The following ARHGAP23 variants were observed in gnomAD, a reference collection of about 807,000 sequenced individuals.
The protein encoded by ARHGAP23 is Rho GTPase activating protein 23.
ARHGAP23 carries 34 observed loss-of-function variants against 136.3 expected under a neutral mutation model. That is an observed-to-expected ratio of 0.25 (90% CI 0.19 to 0.33). The LOEUF (loss-of-function observed/expected upper bound fraction) is 0.33. ARHGAP23 is among the 10% of genes least tolerant of loss of function. The probability of loss-of-function intolerance (pLI) is 1.00; values close to 1 mark genes in which losing one functional copy is unlikely to be tolerated. For missense variants in ARHGAP23, 1,808 were observed against 2,139.0 expected (o/e 0.85, Z 3.05); for synonymous variants, 832 against 920.5 (o/e 0.90, Z 1.74).
intron 1 of ARHGAP23, among the ~76,000 whole-genome samples, chr17:38,433,348 T>G (rs2038725443): frequency 6.6e-6 from 1 of 152,156 alleles, no homozygotes; most frequent in African/African-American, 2.4e-5. Flanking sequence ...TTTAGTAATC[T>G]CAATTATTGG....
At chr17:38,478,728 T>G (rs2144703907) in intron 12 of ARHGAP23, among the ~76,000 whole-genome samples, 1 of 152,264 alleles carries the variant, frequency 6.6e-6, no homozygotes, top group Non-Finnish European at 1.5e-5. Context: ...TTTTTAATGG[T>G]GCCCATTGTG....
chr17:38,491,285 G>T (rs1333758970), intron 19 of ARHGAP23, 122 bp from the exon 20 acceptor site: 1 of 1,322,216 alleles, frequency 7.6e-7, no homozygotes, highest in African/African-American at 1.5e-5. Flanking sequence ...CATACAAGGG[G>T]GTGTCCACCC....
intron 1 of ARHGAP23, among the ~76,000 whole-genome samples, chr17:38,444,164 G>A (rs1312902233): frequency 1.3e-5 from 2 of 152,040 alleles, no homozygotes; most frequent in Non-Finnish European, 2.9e-5. Context: ...GATGGGGAGG[G>A]GAAGATCCCA....
chr17:38,488,506 A>G (rs2040204136), intron 17 of ARHGAP23, among the ~76,000 whole-genome samples: 1 of 152,214 alleles, frequency 6.6e-6, no homozygotes, highest in South Asian at 2.1e-4. Flanking sequence ...TTTGCCTTTC[A>G]CTTTGCAGTA....
intron 20 of ARHGAP23, among the ~76,000 whole-genome samples, chr17:38,493,196 T>C (rs1020112125): frequency 9.4e-6 from 1 of 106,422 alleles, no homozygotes; most frequent in African/African-American, 3.1e-5. Context: ...TCTTTTCGCT[T>C]TTTTTTTGTT....
intron 23 of ARHGAP23, among the ~76,000 whole-genome samples, chr17:38,503,121 GAGAC>G (rs1249015712): frequency 9.9e-5 from 15 of 152,226 alleles, no homozygotes; most frequent in Admixed American, 9.8e-4. Context: ...ATCCAGGTGA[GAGAC>G]AGAGAGAGAG....
At chr17:38,487,765 G>A (rs1008130251) in intron 17 of ARHGAP23, among the ~76,000 whole-genome samples, 3 of 151,984 alleles carry the variant, frequency 2.0e-5, no homozygotes, top group African/African-American at 7.2e-5. Flanking sequence ...TAGGGAGGCC[G>A]AGACAGGAGA....
At chr17:38,436,754 C>A in intron 1 of ARHGAP23, among the ~76,000 whole-genome samples, 1 of 152,176 alleles carries the variant, frequency 6.6e-6, no homozygotes, top group East Asian at 1.9e-4. Flanking sequence ...GGCCCCCTGC[C>A]AAAAATATTA....
At chr17:38,463,635 T>A (rs1306468929) in intron 6 of ARHGAP23, among the ~76,000 whole-genome samples, 1 of 152,132 alleles carries the variant, frequency 6.6e-6, no homozygotes, top group African/African-American at 2.4e-5. Flanking sequence ...CCCAGCAGGC[T>A]CTGCCAGCCT....
At chr17:38,419,826 G>C (rs1053010339) in intron 1 of ARHGAP23, among the ~76,000 whole-genome samples, 6 of 151,998 alleles carry the variant, frequency 3.9e-5, no homozygotes, top group Admixed American at 2.6e-4. Context: ...CTACTGGTTC[G>C]TTGACCCCCA....
In ARHGAP23 at chr17:38,482,128, A is replaced by G; in HGVS notation, c.2736A>G (p.Pro912=). 1.3e-6 allele frequency: 2 copies of G among 1,548,436 alleles called. No individual in the cohort carries two copies. The highest frequency in any genetic ancestry group is 1.7e-6 in the Non-Finnish European group (2 of 1,146,192). The change falls in exon 15 of 24, where the codon CCA becomes CCG. Residue 912 remains proline (P), a synonymous_variant. Transcript: ENST00000622683. Reference sequence around the variant, plus strand: ...GGGTCAGGCTGGAGGAGTGCCAGCCAGCCACGGAGAACCAGGTGAGTCTCT... The same window carrying G: ...GGGTCAGGCTGGAGGAGTGCCAGCCGGCCACGGAGAACCAGGTGAGTCTCT... ...AFGVRLEECQ[P]ATENQRVPLI...
rs1567810021 is a variant in ARHGAP23 at position 38,477,641 on chromosome 17, C to T, written c.2181C>T (p.Leu727=). ...ACGCCGCGCTGCGGGCGCGCTCGCT[C>T]TCGCTGAGCAAGGAGCGGCGGGAGC... ...RVYAALRARS[L]SLSKERREPG... is the part of the protein sequence containing the mutation. The change falls in exon 12 of 24, where the codon CTC becomes CTT. Residue 727 remains leucine, a synonymous_variant. Transcript: ENST00000622683. This position sits in a 1 kb window ranked among gnomAD's most constrained non-coding sequence, Gnocchi z 6.6. The T allele has an allele frequency of 7.8e-7, 1 of 1,278,448 alleles. No homozygotes were observed. The allele number at this position is 1,278,448 out of a possible 1,614,324, so 79.2% of individuals were successfully genotyped here. A position where few individuals can be genotyped will look rare whatever the true frequency, so the allele number is the denominator to read the frequency against.
At chr17:38,501,428 A>G (rs1226918981) in intron 23 of ARHGAP23, among the ~76,000 whole-genome samples, 3 of 152,090 alleles carry the variant, frequency 2.0e-5, no homozygotes, top group African/African-American at 7.2e-5. Flanking sequence ...CAGCCTCCCG[A>G]GTAGCTGGGA....
Position 38,466,535 on chromosome 17 carries a change from C to CA in ARHGAP23, c.852_853insA (p.Gln285ThrfsTer69), listed in dbSNP as rs1261360424. 7 of 1,473,064 alleles carry CA rather than the reference C, an allele frequency of 4.8e-6. No homozygotes were observed. Among genetic ancestry groups the CA allele is most frequent in the Non-Finnish European group, 6.3e-6 (7 of 1,115,864 alleles). 91.2% of individuals were successfully genotyped at this position (1,473,064 alleles called of 1,614,324 possible). ...GGGTGCCCCCCAGCAGACTGGAGTG[C>CA]CAGCAGGCCTTGTCACACTGGCTGT... On this transcript the variant is annotated frameshift_variant, in exon 7 of 24. Coordinates refer to ENST00000622683, the MANE Select transcript of ARHGAP23 (RefSeq NM_001199417.2). LOFTEE classifies it high-confidence loss of function.
At chr17:38,460,876 G>A (rs1467671684) in intron 2 of ARHGAP23, 29 bp from the exon 3 acceptor site, 12 of 1,536,036 alleles carry the variant, frequency 7.8e-6, no homozygotes, top group Non-Finnish European at 9.6e-6. Context: ...CTGGACTGAC[G>A]CCCACACCCA....
At chr17:38,475,115 G>GTTAGAGGAGACTGTGTT (rs2039862570) in intron 11 of ARHGAP23, among the ~76,000 whole-genome samples, 1 of 152,220 alleles carries the variant, frequency 6.6e-6, no homozygotes, top group African/African-American at 2.4e-5. Flanking sequence ...GACGTTAGAG[G>GTTAGAGGAGACTGTGTT]AGAGTCTTCA....
At chr17:38,486,190 C>A in intron 17 of ARHGAP23, 50 bp downstream of exon 17, 1 of 1,424,450 alleles carries the variant, frequency 7.0e-7, no homozygotes, top group Non-Finnish European at 9.7e-7. Context: ...GTCCGTGCCT[C>A]ACCCTGACCA....
intron 6 of ARHGAP23, among the ~76,000 whole-genome samples, chr17:38,465,036 A>C (rs1597793174): frequency 7.5e-6 from 1 of 133,374 alleles, no homozygotes; most frequent in Admixed American, 7.4e-5. Flanking sequence ...GGGCAGACGG[A>C]GGGGGACCGG....
intron 20 of ARHGAP23, among the ~76,000 whole-genome samples, chr17:38,495,937 G>T (rs1043667138): frequency 6.6e-6 from 1 of 151,888 alleles, no homozygotes; most frequent in Non-Finnish European, 1.5e-5. Flanking sequence ...CACTCTTGTT[G>T]TCCAGGCTGG....
Sources: gnomAD v4.1 joint callset for allele counts (sites outside exome capture counted in the v4.1 genomes callset) on GRCh38, gnomAD v4.1.1 for gene constraint, Gnocchi (gnomAD v3.1) non-coding constraint, MANE v1.5 for transcripts, NCBI Gene and HGNC (gene_info 2026-07-23, HGNC 2026-07-21) for gene names.